The following MLIP variants were observed in gnomAD, a reference collection of about 807,000 sequenced individuals.
MLIP encodes the protein muscular LMNA-interacting protein.
In MLIP, 79 loss-of-function variants were observed where a neutral mutation model predicts 84.8. The observed-to-expected ratio is 0.93, with a 90% CI of 0.78 to 1.12. MLIP has a LOEUF of 1.12. Among genes scored for constraint, MLIP ranks in the 50% most tolerant of loss-of-function variants. MLIP has a pLI of 0.00. For synonymous variants in MLIP, 504 were observed against 463.0 expected, an observed-to-expected ratio of 1.09 and a Z score of -1.14; for missense variants, 1,257 against 1,160.6, an observed-to-expected ratio of 1.08 and a Z score of -1.21.
At chr6:54,215,418 G>T (rs1779788856) in intron 11 of MLIP, 3 of 1,225,420 alleles carry the variant, frequency 2.4e-6, no homozygotes, top group African/African-American at 3.1e-5. Context: ...AAGTATTTGT[G>T]ATTTTTTTAA....
chr6:54,048,366 A>G (rs531429394), intron 1 of MLIP, among the ~76,000 whole-genome samples: 4 of 152,164 alleles, frequency 2.6e-5, no homozygotes, highest in East Asian at 1.9e-4. Flanking sequence ...GCAATGACAG[A>G]TACAGGGCTG....
chr6:54,107,025 G>GT (rs1162237001), upstream of MLIP, among the ~76,000 whole-genome samples: 1 of 152,158 alleles, frequency 6.6e-6, no homozygotes, highest in Non-Finnish European at 1.5e-5. Context: ...AGCTAAGAAA[G>GT]TAATTCAACA....
chr6:54,106,094 C>A (rs762427790), intron 1 of MLIP, among the ~76,000 whole-genome samples: 3 of 152,094 alleles, frequency 2.0e-5, no homozygotes, highest in Non-Finnish European at 4.4e-5. Flanking sequence ...CTCCCAGGAG[C>A]AATACCTGTA....
rs767979331 is a variant in MLIP at position 54,230,780 on chromosome 6, G to A, written c.2785G>A (p.Ala929Thr). 1 of 1,614,000 alleles carries A rather than the reference G, an allele frequency of 6.2e-7. No homozygotes were observed. The highest frequency in any genetic ancestry group is 8.5e-7 in the Non-Finnish European group (1 of 1,179,980). The change falls in exon 12 of 14, where the codon GCT becomes ACT. Residue 929 changes from alanine (A) to threonine (T), a missense_variant. Ala to Thr is a moderately conservative substitution (Grantham distance 58). Coordinates refer to ENST00000502396, the MANE Select transcript of MLIP (RefSeq NM_001281747.2). ...ATATCAGACTAAACTCTATCCTCCT[G>A]CTAAGTCACTGCTGCATCCACAGAC... is the stretch of plus-strand genomic sequence containing the variant. ...PLYQTKLYPP[A>T]KSLLHPQTLS...
chr6:54,121,679 A>G (rs1002749825), intron 2 of MLIP, 77 bp downstream of exon 2: 3 of 1,145,356 alleles, frequency 2.6e-6, no homozygotes, highest in Non-Finnish European at 2.4e-6. Context: ...AAATTTGTGT[A>G]TATTTCCTGT....
chr6:54,153,026 G>T (rs1773619107), intron 5 of MLIP, among the ~76,000 whole-genome samples: 1 of 151,878 alleles, frequency 6.6e-6, no homozygotes, highest in African/African-American at 2.4e-5. Context: ...ATTAGGGCTG[G>T]GGCTAGGTAC....
rs9382293 is a variant in MLIP at position 54,134,824 on chromosome 6, G to C, written c.646-1891G>C. On this transcript the variant is annotated intron_variant, in intron 3 of 13. Coordinates refer to ENST00000502396, the MANE Select transcript of MLIP (RefSeq NM_001281747.2). ...GAACTGAAAAGGTAATGAGAGTTTT[G>C]TGACTGCTGTTATTAATTTACAGAA... Among the ~76,000 whole-genome samples, 104 of 152,122 alleles carry C rather than the reference G, an allele frequency of 6.8e-4. No homozygotes were observed. The East Asian group carries it at 0.011, about 16-fold the overall frequency.
chr6:54,215,435 A>G (rs1779790396), intron 11 of MLIP: 2 of 1,188,782 alleles, frequency 1.7e-6, no homozygotes, highest in Non-Finnish European at 2.1e-6. Flanking sequence ...TTAAAAGTAT[A>G]ATTTCTTTAA....
chr6:54,031,844 T>C (rs1411372846), intron 1 of MLIP: 4 of 152,200 alleles, frequency 2.6e-5, no homozygotes, highest in East Asian at 1.9e-4. Context: ...ATGAAATCTT[T>C]GTGTGATATA....
chr6:54,171,376 T>C (rs895476518), intron 9 of MLIP, among the ~76,000 whole-genome samples: 1 of 151,606 alleles, frequency 6.6e-6, no homozygotes. Context: ...TCGTTTCCTA[T>C]GTAAGAAGCT....
upstream of MLIP, among the ~76,000 whole-genome samples, chr6:54,110,569 A>G (rs1290591642): frequency 6.6e-6 from 1 of 152,204 alleles, no homozygotes; most frequent in African/African-American, 2.4e-5. Flanking sequence ...TTATGTTTCC[A>G]TAATCTCAGG....
At chr6:54,223,757 A>G (rs1481566150) in intron 11 of MLIP, among the ~76,000 whole-genome samples, 1 of 152,088 alleles carries the variant, frequency 6.6e-6, no homozygotes, top group Admixed American at 6.6e-5. Flanking sequence ...TTCTATAATA[A>G]GCTTATATTA....
intron 1 of MLIP, among the ~76,000 whole-genome samples, chr6:54,025,138 T>TG (rs1413116067): frequency 2.0e-5 from 3 of 152,116 alleles, no homozygotes; most frequent in Non-Finnish European, 2.9e-5. Context: ...CGTGAGCCGT[T>TG]GCGCCCGGCC....
chr6:54,246,666 G>A (rs1325953376), intron 12 of MLIP, among the ~76,000 whole-genome samples: 1 of 151,784 alleles, frequency 6.6e-6, no homozygotes, highest in Non-Finnish European at 1.5e-5. Flanking sequence ...TGTTATTTCT[G>A]CTTTTCAGTT....
At chr6:54,105,706 G>C (rs1397256585) in intron 1 of MLIP, among the ~76,000 whole-genome samples, 4 of 152,104 alleles carry the variant, frequency 2.6e-5, no homozygotes, top group Admixed American at 1.3e-4. Flanking sequence ...TTTATATAAG[G>C]TGGTAAGGGA....
Position 54,136,909 on chromosome 6 carries a change from T to A in MLIP, c.840T>A (p.Thr280=). 1 of 1,535,742 alleles carries A rather than the reference T, an allele frequency of 6.5e-7. No homozygotes were observed. The highest frequency in any genetic ancestry group is 8.7e-7 in the Non-Finnish European group (1 of 1,146,750). The change falls in exon 4 of 14, where the codon ACT becomes ACA. Residue 280 remains threonine (T), a synonymous_variant. Transcript: ENST00000502396. ...AAGAATCAGCTACGTATTTTCAAAC[T>A]ACCGCTCACTCTACACCCTTTTCTG... ...VVEESATYFQ[T]TAHSTPFSAS... is the part of the protein sequence containing the mutation.
chr6:54,202,017 G>A (rs1778717267), intron 10 of MLIP, 88 bp from the exon 11 acceptor site: 4 of 927,826 alleles, frequency 4.3e-6, no homozygotes, highest in Non-Finnish European at 5.9e-6. Flanking sequence ...TGTGAGAACA[G>A]CATTGAATGA....
chr6:54,251,926 T>C (rs1446429080), intron 12 of MLIP, among the ~76,000 whole-genome samples: 1 of 85,024 alleles, frequency 1.2e-5, no homozygotes, highest in Non-Finnish European at 1.9e-5. Context: ...ATAATATAAA[T>C]ATATATTATA....
chr6:54,019,454 C>A (rs958104419), intron 1 of MLIP, among the ~76,000 whole-genome samples: 1 of 151,946 alleles, frequency 6.6e-6, no homozygotes, highest in Admixed American at 6.6e-5. Context: ...CTCAGAGATA[C>A]CAGGAATATA....
Sources: gnomAD v4.1 joint callset for allele counts (sites outside exome capture counted in the v4.1 genomes callset) on GRCh38, gnomAD v4.1.1 for gene constraint, MANE v1.5 for transcripts, NCBI Gene and HGNC (gene_info 2026-07-23, HGNC 2026-07-21) for gene names.